Variants in MICU2 observed in about 807,000 individuals in gnomAD.
The protein encoded by MICU2 is mitochondrial calcium uptake 2.
In MICU2, 64 loss-of-function variants were observed where a neutral mutation model predicts 60.4. The ratio of observed to expected loss-of-function variants is 1.06; its 90% CI spans 0.87 to 1.31. The LOEUF is 1.31. Ranked by LOEUF, MICU2 falls within the 50% of genes most tolerant of loss-of-function variation. The pLI, the probability that MICU2 is intolerant of heterozygous loss-of-function variation, is 0.00. For missense variants in MICU2, 569 were observed against 531.0 expected, an observed-to-expected ratio of 1.07 and a Z score of -0.70; for synonymous variants, 201 against 175.0, an observed-to-expected ratio of 1.15 and a Z score of -1.17.
chr13:21,494,581 T>A (rs1204642772), intron 11 of MICU2, among the ~76,000 whole-genome samples: 5 of 152,076 alleles, frequency 3.3e-5, no homozygotes, highest in Admixed American at 3.3e-4. Context: ...AATCTGAGAC[T>A]AAAAAAAATT....
intron 4 of MICU2, among the ~76,000 whole-genome samples, chr13:21,524,933 T>G (rs2138171054): frequency 6.6e-6 from 1 of 152,330 alleles, no homozygotes; most frequent in Admixed American, 6.5e-5. Context: ...TCATTCATAC[T>G]GCAGCATATG....
intron 1 of MICU2, among the ~76,000 whole-genome samples, chr13:21,570,582 G>GT (rs1263448165): frequency 6.6e-6 from 1 of 152,134 alleles, no homozygotes; most frequent in Admixed American, 6.5e-5. Context: ...ATAAAAGTCT[G>GT]TTTTTTGTCT....
Position 21,567,431 on chromosome 13 carries a change from C to T in MICU2, c.211-487G>A, listed in dbSNP as rs1340529404. Among the ~76,000 whole-genome samples the T allele has an allele frequency of 2.0e-5, 3 of 152,016 alleles. No individual in the cohort carries two copies. The East Asian group carries it at 5.8e-4, about 29-fold the overall frequency. On this transcript the variant is annotated intron_variant, in intron 1 of 11. Coordinates refer to ENST00000382374, the MANE Select transcript of MICU2 (RefSeq NM_152726.3). ...GTGTGGTCAAGGAACAGCAGAAAGG[C>T]CACGTTACCAGAGTGACTGAGGAAA...
intron 1 of MICU2, among the ~76,000 whole-genome samples, chr13:21,586,867 A>G (rs1032606257): frequency 1.3e-5 from 2 of 152,234 alleles, no homozygotes; most frequent in Admixed American, 6.5e-5. Flanking sequence ...ACATTTAAAT[A>G]TAGTATGTAA....
intron 7 of MICU2, among the ~76,000 whole-genome samples, chr13:21,512,120 C>G (rs115898786): frequency 6.6e-6 from 1 of 152,158 alleles, no homozygotes; most frequent in Non-Finnish European, 1.5e-5. Context: ...TCCTTGCCAC[C>G]ATCTGGTGTG....
At chr13:21,514,540 C>CTT (rs112252216) in intron 6 of MICU2, 122 bp from the exon 7 acceptor site, 139 of 504,696 alleles carry the variant, frequency 2.8e-4, no homozygotes, top group East Asian at 5.1e-4. Flanking sequence ...ATATTAACTT[C>CTT]TTTTTTTTTT....
At chr13:21,498,913 G>A (rs1365382063) in intron 9 of MICU2, among the ~76,000 whole-genome samples, 3 of 151,978 alleles carry the variant, frequency 2.0e-5, no homozygotes, top group Admixed American at 2.0e-4. Flanking sequence ...CTTTTTTGAT[G>A]TCTGCTTTTC....
At chr13:21,524,421 A>T (rs543957239) in intron 4 of MICU2, among the ~76,000 whole-genome samples, 1 of 151,968 alleles carries the variant, frequency 6.6e-6, no homozygotes, top group East Asian at 1.9e-4. Context: ...CTGTATATCT[A>T]AAAAAAACCT....
chr13:21,536,504 T>C (rs1443282947), intron 4 of MICU2, among the ~76,000 whole-genome samples: 1 of 152,232 alleles, frequency 6.6e-6, no homozygotes, highest in African/African-American at 2.4e-5. Flanking sequence ...ATTTTTCTTT[T>C]ACATTATTTG....
rs187641291 is a variant in MICU2, at chr13:21,542,204, A to T, written c.359-2516T>A. Among the ~76,000 whole-genome samples the T allele has an allele frequency of 3.8e-3, 586 of 152,298 alleles. 8 individuals carry two copies. Among genetic ancestry groups the T allele is most frequent in the African/African-American group, 0.014 (568 of 41,564 alleles). On this transcript the variant is annotated intron_variant, in intron 2 of 11. Coordinates refer to ENST00000382374, the MANE Select transcript of MICU2 (RefSeq NM_152726.3). ...TTGGTAGACAGTTGTCTCACCCAGG[A>T]TGCTTACTCTATACTACTTGTTCAT...
intron 1 of MICU2, among the ~76,000 whole-genome samples, chr13:21,579,909 C>T (rs547900078): frequency 1.2e-4 from 18 of 152,082 alleles, no homozygotes; most frequent in Non-Finnish European, 1.8e-4. Context: ...TGCAGTATAA[C>T]GACGGAAACC....
chr13:21,568,154 A>G (rs1888027586), intron 1 of MICU2, among the ~76,000 whole-genome samples: 1 of 152,210 alleles, frequency 6.6e-6, no homozygotes. Flanking sequence ...GGCAATGTTC[A>G]GTGACTGCTG....
chr13:21,590,863 A>AAAAC (rs1289487087), intron 1 of MICU2, among the ~76,000 whole-genome samples: 4 of 152,174 alleles, frequency 2.6e-5, no homozygotes, highest in Admixed American at 2.0e-4. Context: ...CAAAAAACAC[A>AAAAC]AAACAAACAA....
intron 6 of MICU2, among the ~76,000 whole-genome samples, chr13:21,517,407 A>G (rs1164971286): frequency 6.6e-6 from 1 of 152,246 alleles, no homozygotes; most frequent in Non-Finnish European, 1.5e-5. Flanking sequence ...AGCTAAGATA[A>G]ATCCCTGCCT....
intron 1 of MICU2, among the ~76,000 whole-genome samples, chr13:21,599,648 T>C (rs1167645883): frequency 6.6e-6 from 1 of 152,258 alleles, no homozygotes; most frequent in Admixed American, 6.5e-5. Flanking sequence ...TTTAAATGTC[T>C]TTTGAATTCA....
chr13:21,562,160 C>T (rs895652274), intron 2 of MICU2, among the ~76,000 whole-genome samples: 1 of 151,718 alleles, frequency 6.6e-6, no homozygotes, highest in African/African-American at 2.4e-5. Flanking sequence ...TGAATAGTGC[C>T]GCAATCAACA....
chr13:21,592,271 G>T (rs1250750069), intron 1 of MICU2, among the ~76,000 whole-genome samples: 1 of 152,086 alleles, frequency 6.6e-6, no homozygotes, highest in Non-Finnish European at 1.5e-5. Flanking sequence ...TAGAAGAAAT[G>T]GATAAATTCC....
intron 6 of MICU2, among the ~76,000 whole-genome samples, chr13:21,519,557 T>G (rs1448608042): frequency 1.3e-5 from 2 of 152,194 alleles, no homozygotes; most frequent in Non-Finnish European, 2.9e-5. Context: ...GCTCCCCAAG[T>G]CTCTGGTCTT....
At chr13:21,498,408 T>C (rs1886057216) in intron 9 of MICU2, among the ~76,000 whole-genome samples, 1 of 126,956 alleles carries the variant, frequency 7.9e-6, no homozygotes, top group Non-Finnish European at 1.6e-5. Flanking sequence ...TGAGACAGTC[T>C]CGCTCTGTCA....
Sources: allele counts gnomAD v4.1 joint callset (sites outside exome capture counted in the v4.1 genomes callset), GRCh38; gene constraint gnomAD v4.1.1; transcripts MANE v1.5; gene names NCBI Gene and HGNC (gene_info 2026-07-23, HGNC 2026-07-21).